MFSD11: variants seen among roughly 807,000 people sequenced by gnomAD.
MFSD11 encodes major facilitator superfamily domain containing 11, also known as UNC93-like protein MFSD11.
In MFSD11, 36 loss-of-function variants were observed where a neutral mutation model predicts 53.5. The observed-to-expected ratio is 0.67, with a 90% confidence interval of 0.52 to 0.89. MFSD11 has a LOEUF of 0.89. Among genes scored for constraint, MFSD11 ranks in the 40% least tolerant of loss-of-function variants. The probability of loss-of-function intolerance (pLI) is 0.00; values close to 1 mark genes in which losing one functional copy is unlikely to be tolerated. For synonymous variants in MFSD11, 186 were observed against 184.9 expected, an observed-to-expected ratio of 1.01 and a Z score of -0.05; for missense variants, 530 against 543.9, an observed-to-expected ratio of 0.97 and a Z score of 0.25.
the MFSD11 span, among the ~76,000 whole-genome samples, chr17:76,786,940 G>A: frequency 2.6e-5 from 4 of 151,048 alleles, no homozygotes; most frequent in East Asian, 7.8e-4. Flanking sequence ...CTCAGCCTCC[G>A]GAGTAGCTGG....
chr17:76,788,659 G>A, the MFSD11 span, among the ~76,000 whole-genome samples: 1 of 149,132 alleles, frequency 6.7e-6, no homozygotes. Flanking sequence ...AGACCAGCCT[G>A]GCCAACATGG....
Position 76,738,164 on chromosome 17 carries a change from C to T in MFSD11, c.-189C>T, listed in dbSNP as rs1191284905. 1 of 604,360 alleles carries T rather than the reference C, an allele frequency of 1.7e-6. No individual in the cohort carries two copies. Among genetic ancestry groups the T allele is most frequent in the Non-Finnish European group, 2.9e-6 (1 of 341,650 alleles). 37.4% of individuals were successfully genotyped at this position (604,360 alleles called of 1,614,324 possible). A position where few individuals can be genotyped will look rare whatever the true frequency, so the allele number is the denominator to read the frequency against. On this transcript the variant is annotated 5_prime_UTR_variant, in exon 1 of 13. Transcript: ENST00000685175. ...CGCTTCTTAGGAGTATCCTAACTGC[C>T]GGTGGGGAGAACTTCGCCCTAAACC...
chr17:76,749,500 C>G (rs2078851259), intron 7 of MFSD11, among the ~76,000 whole-genome samples: 1 of 149,098 alleles, frequency 6.7e-6, no homozygotes, highest in African/African-American at 2.5e-5. Context: ...CCACCACACT[C>G]CAGCCTGGGT....
At chr17:76,752,759 C>T (rs1248314337) in intron 7 of MFSD11, among the ~76,000 whole-genome samples, 2 of 152,180 alleles carry the variant, frequency 1.3e-5, no homozygotes, top group Non-Finnish European at 2.9e-5. Flanking sequence ...CGAAGACCCA[C>T]CTCTCTCAGC....
chr17:76,748,098 G>C (rs73996700), intron 7 of MFSD11: 1 of 144,000 alleles, frequency 6.9e-6, no homozygotes, highest in Non-Finnish European at 1.5e-5. Context: ...GGGGGAGAGT[G>C]GGGGGGAGGG....
downstream of MFSD11, among the ~76,000 whole-genome samples, chr17:76,784,052 C>T (rs893270996): frequency 6.6e-6 from 1 of 152,016 alleles, no homozygotes; most frequent in Admixed American, 6.5e-5. Context: ...AATGGTGAAG[C>T]TGCTGGGAAA....
At chr17:76,777,175 G>A (rs1194397840) in intron 12 of MFSD11, among the ~76,000 whole-genome samples, 3 of 151,968 alleles carry the variant, frequency 2.0e-5, no homozygotes, top group African/African-American at 7.2e-5. Flanking sequence ...GGCTGAGGCA[G>A]GAGAATGGTG....
chr17:76,782,751 T>C (rs2082200309), downstream of MFSD11, among the ~76,000 whole-genome samples: 1 of 151,900 alleles, frequency 6.6e-6, no homozygotes. Flanking sequence ...GTGCCGGGAT[T>C]ACAGGCTTGA....
At chr17:76,736,737 A>C (rs1419243123), upstream of MFSD11, 1 of 1,384,454 alleles carries the variant, frequency 7.2e-7, no homozygotes, top group Non-Finnish European at 9.3e-7. Flanking sequence ...GACCTTTGTG[A>C]GGTCGCCCGG....
chr17:76,739,064 C>A, intron 2 of MFSD11, 71 bp downstream of exon 2: 1 of 1,167,776 alleles, frequency 8.6e-7, no homozygotes, highest in Non-Finnish European at 1.3e-6. Context: ...GAATCACCAG[C>A]AATAGAATAT....
At position 76,774,910 on chromosome 17, in the gene MFSD11, T is replaced by C; in HGVS notation, c.875-87T>C. The C allele has an allele frequency of 5.2e-6, 7 of 1,351,478 alleles. No homozygotes were observed. In the South Asian group the frequency reaches 8.5e-5, roughly 16 times the overall value. 83.7% of individuals were successfully genotyped at this position (1,351,478 alleles called of 1,614,324 possible). ...AAGAAATTTAACAAGTGAGAATGTT[T>C]ATTCCTTGGCTCCTTGGTGGTAACT... On this transcript the variant is annotated intron_variant, in intron 10 of 12. Transcript: ENST00000685175.
At chr17:76,759,318 T>C (rs1444246267) in intron 8 of MFSD11, among the ~76,000 whole-genome samples, 1 of 151,944 alleles carries the variant, frequency 6.6e-6, no homozygotes, top group Non-Finnish European at 1.5e-5. Flanking sequence ...ACTGGCACTC[T>C]GTCACCCAGG....
chr17:76,786,247 C>T (rs2082272911), downstream of MFSD11, among the ~76,000 whole-genome samples: 1 of 149,548 alleles, frequency 6.7e-6, no homozygotes, highest in Non-Finnish European at 1.5e-5. Flanking sequence ...TGGGTTCAAA[C>T]GATTCTCCTG....
At chr17:76,748,274 T>C (rs1166916982) in intron 7 of MFSD11, among the ~76,000 whole-genome samples, 1 of 151,512 alleles carries the variant, frequency 6.6e-6, no homozygotes, top group Admixed American at 6.6e-5. Context: ...AGATAGGAGG[T>C]TTGTGTTTTC....
chr17:76,765,144 C>T (rs1250545403), intron 8 of MFSD11, among the ~76,000 whole-genome samples: 2 of 152,094 alleles, frequency 1.3e-5, no homozygotes, highest in Non-Finnish European at 2.9e-5. Flanking sequence ...TTAGCTCTTA[C>T]ATTTAGGTCT....
the MFSD11 span, among the ~76,000 whole-genome samples, chr17:76,791,841 G>GT: frequency 0.042 from 5,791 of 138,458 alleles, 684 homozygotes; most frequent in African/African-American, 0.14. Flanking sequence ...TTTTTTGCTT[G>GT]TTTTTTTTTT....
At chr17:76,751,630 G>T (rs540261548) in intron 7 of MFSD11, among the ~76,000 whole-genome samples, 1 of 150,974 alleles carries the variant, frequency 6.6e-6, no homozygotes, top group East Asian at 1.9e-4. Context: ...AGCCCAGGAG[G>T]TCAAGGCTAC....
intron 10 of MFSD11, among the ~76,000 whole-genome samples, chr17:76,770,228 C>T (rs1031613281): frequency 4.0e-5 from 6 of 151,720 alleles, no homozygotes; most frequent in South Asian, 2.1e-4. Context: ...TTAGTAGAGA[C>T]GGGGTTTCAC....
chr17:76,741,944 A>G (rs781555495), intron 3 of MFSD11, 25 bp from the exon 4 acceptor site: 1 of 1,613,886 alleles, frequency 6.2e-7, no homozygotes, highest in East Asian at 2.2e-5. Flanking sequence ...GTTTGACTGT[A>G]ATACCTTGAC....
Sources: allele counts gnomAD v4.1 joint callset (sites outside exome capture counted in the v4.1 genomes callset), GRCh38; gene constraint gnomAD v4.1.1; transcripts MANE v1.5; gene names NCBI Gene and HGNC (gene_info 2026-07-23, HGNC 2026-07-21).